NRG3: variants seen among roughly 807,000 people sequenced by gnomAD.
NRG3 encodes neuregulin 3.
In NRG3, 31 loss-of-function variants were observed where a neutral mutation model predicts 66.9. That is an observed-to-expected ratio of 0.46 (90% CI 0.35 to 0.63). The LOEUF (loss-of-function observed/expected upper bound fraction) is 0.63. NRG3 is among the 20% of genes least tolerant of loss of function. NRG3 has a pLI of 0.00. For missense variants in NRG3, 910 were observed against 878.9 expected, an observed-to-expected ratio of 1.04 and a Z score of -0.45; for synonymous variants, 393 against 359.4, an observed-to-expected ratio of 1.09 and a Z score of -1.06.
intron 1 of NRG3, among the ~76,000 whole-genome samples, chr10:82,241,262 G>T (rs12265466): frequency 6.6e-6 from 1 of 151,996 alleles, no homozygotes; most frequent in Non-Finnish European, 1.5e-5. Flanking sequence ...GAGCAGTAGC[G>T]TATAGGAGAG....
At chr10:82,502,044 TTAA>T (rs1432219029) in intron 2 of NRG3, among the ~76,000 whole-genome samples, 1 of 152,160 alleles carries the variant, frequency 6.6e-6, no homozygotes. Context: ...ATCCAGTGTC[TTAA>T]GTCATAGGCA....
chr10:82,056,729 G>A (rs1480395311), intron 1 of NRG3, among the ~76,000 whole-genome samples: 1 of 152,122 alleles, frequency 6.6e-6, no homozygotes, highest in African/African-American at 2.4e-5. Context: ...TATTTTGACT[G>A]TAGCTTTCAA....
intron 3 of NRG3, among the ~76,000 whole-genome samples, chr10:82,742,413 A>G (rs901579494): frequency 6.6e-6 from 1 of 152,098 alleles, no homozygotes; most frequent in Non-Finnish European, 1.5e-5. Context: ...CCAAGAACCT[A>G]TAGCTAACTC....
chr10:82,735,423 A>C (rs2820108), intron 2 of NRG3, among the ~76,000 whole-genome samples: 83,932 of 151,954 alleles, frequency 0.55, 23,768 homozygotes, highest in East Asian at 0.64. Context: ...GAGTAGAAAG[A>C]TAATAGAATA....
chr10:82,263,643 T>C (rs1440848338), intron 1 of NRG3, among the ~76,000 whole-genome samples: 1 of 152,054 alleles, frequency 6.6e-6, no homozygotes, highest in Non-Finnish European at 1.5e-5. Context: ...TATACACACT[T>C]ACACCTGTTT....
At chr10:82,078,735 T>C (rs1425499239) in intron 1 of NRG3, among the ~76,000 whole-genome samples, 1 of 152,244 alleles carries the variant, frequency 6.6e-6, no homozygotes, top group Non-Finnish European at 1.5e-5. Flanking sequence ...TAAGTGCTAA[T>C]ATTTTTTAAA....
chr10:82,009,276 A>G (rs776630601), intron 1 of NRG3, among the ~76,000 whole-genome samples: 10 of 152,160 alleles, frequency 6.6e-5, no homozygotes, highest in Non-Finnish European at 1.5e-4. Context: ...CAGAATGACA[A>G]GTCTACACAA....
rs536754776 is a variant in NRG3, at chr10:81,968,467, C to A, written c.823+92304C>A. On this transcript the variant is annotated intron_variant, in intron 1 of 8. Transcript: ENST00000372141. ...GGATGAGAGTGAGAAAGTGAGATGT[C>A]ACCTCCCTTTTTGTTCCTCTTGCAC... Among the ~76,000 whole-genome samples, 7 of 152,276 alleles carry A rather than the reference C, an allele frequency of 4.6e-5. 1 individual carries two copies. The East Asian group carries it at 9.7e-4, about 21-fold the overall frequency.
At chr10:82,087,395 C>A (rs1301934544) in intron 1 of NRG3, among the ~76,000 whole-genome samples, 1 of 152,104 alleles carries the variant, frequency 6.6e-6, no homozygotes, top group Non-Finnish European at 1.5e-5. Flanking sequence ...ATCATCTTCT[C>A]TAATCTCTGA....
chr10:82,400,206 G>T (rs2086987734), intron 2 of NRG3, among the ~76,000 whole-genome samples: 1 of 152,082 alleles, frequency 6.6e-6, no homozygotes, highest in African/African-American at 2.4e-5. Context: ...TGTCAGTAAT[G>T]TTAGTAATAA....
chr10:81,954,383 T>C (rs1178474323), intron 1 of NRG3, among the ~76,000 whole-genome samples: 1 of 152,212 alleles, frequency 6.6e-6, no homozygotes, highest in Non-Finnish European at 1.5e-5. Flanking sequence ...TGAAGTTATT[T>C]TCTTTCTTTG....
intron 2 of NRG3, among the ~76,000 whole-genome samples, chr10:82,640,872 C>T (rs1337566779): frequency 6.6e-6 from 1 of 151,976 alleles, no homozygotes; most frequent in Non-Finnish European, 1.5e-5. Context: ...TTTAAAGTGC[C>T]TTGCAAATAT....
At chr10:82,242,378 A>T (rs149949219) in intron 1 of NRG3, among the ~76,000 whole-genome samples, 2,383 of 152,296 alleles carry the variant, frequency 0.016, 22 homozygotes, top group Middle Eastern at 0.071. Context: ...TTGAGTACCC[A>T]TCAAGTGCCA....
chr10:82,939,313 A>G (rs1424693149), intron 4 of NRG3, among the ~76,000 whole-genome samples: 2 of 152,182 alleles, frequency 1.3e-5, no homozygotes, highest in African/African-American at 2.4e-5. Context: ...TTAAACTGTT[A>G]TTTACCCTTA....
chr10:81,956,061 C>A (rs1241135242), intron 1 of NRG3, among the ~76,000 whole-genome samples: 1 of 152,174 alleles, frequency 6.6e-6, no homozygotes, highest in African/African-American at 2.4e-5. Context: ...ATCCCACGTG[C>A]TTTTCTTACA....
chr10:82,893,454 C>A (rs758016222), intron 4 of NRG3, among the ~76,000 whole-genome samples: 1 of 152,184 alleles, frequency 6.6e-6, no homozygotes, highest in Non-Finnish European at 1.5e-5. Context: ...CTTTGGGAAG[C>A]TAAGGCGGGC....
chr10:82,472,317 C>G (rs1841343645), intron 2 of NRG3, among the ~76,000 whole-genome samples: 1 of 152,092 alleles, frequency 6.6e-6, no homozygotes, highest in Non-Finnish European at 1.5e-5. Flanking sequence ...AGCAAGGAAG[C>G]CCCTTAAAAT....
chr10:82,802,216 G>T (rs1190506945), intron 3 of NRG3, among the ~76,000 whole-genome samples: 1 of 152,162 alleles, frequency 6.6e-6, no homozygotes, highest in Non-Finnish European at 1.5e-5. Context: ...AGAAAACAGA[G>T]CTCATTCACG....
chr10:82,907,843 C>A (rs1411320137), intron 4 of NRG3, among the ~76,000 whole-genome samples: 2 of 152,092 alleles, frequency 1.3e-5, no homozygotes, highest in South Asian at 2.1e-4. Flanking sequence ...ATGTGTAGAG[C>A]AAATGTGTGA....
Sources: allele counts gnomAD v4.1 joint callset (sites outside exome capture counted in the v4.1 genomes callset), GRCh38; gene constraint gnomAD v4.1.1; transcripts MANE v1.5; gene names NCBI Gene and HGNC (gene_info 2026-07-23, HGNC 2026-07-21).